ANK3: variants seen among roughly 807,000 people sequenced by gnomAD.
ANK3 encodes ankyrin 3.
A neutral mutation model predicts 370.9 loss-of-function variants in ANK3; 57 were observed. The observed-to-expected ratio is 0.15, with a 90% confidence interval of 0.12 to 0.19. ANK3 has a LOEUF of 0.19. ANK3 is among the 10% of genes least tolerant of loss of function. ANK3 has a pLI of 1.00. For missense variants in ANK3, 4,439 were observed against 5,302.1 expected (o/e 0.84, Z 5.06); for synonymous variants, 1,929 against 1,946.3 (o/e 0.99, Z 0.23).
At position 60,068,962 on chromosome 10, in the gene ANK3, G is replaced by A; in HGVS notation, c.11919C>T (p.Thr3973=). Residue 3973 remains threonine (T), a synonymous_variant, in exon 37 of 44, where the codon ACC becomes ACT. Transcript: ENST00000280772. Reference sequence around the variant, plus strand: ...CTGTGCAGCTGGTGGTGGTGGTAGTGGTGGTAGTGGTGGTGGTGGTGGCAG... The same window carrying A: ...CTGTGCAGCTGGTGGTGGTGGTAGTAGTGGTAGTGGTGGTGGTGGTGGCAG... ...TTTATTTTTT[T]TTTTTSCTVK... 1 of 1,613,764 alleles carries A rather than the reference G, an allele frequency of 6.2e-7. No individual in the cohort carries two copies. Among genetic ancestry groups the A allele is most frequent in the Non-Finnish European group, 8.5e-7 (1 of 1,179,916 alleles).
At chr10:60,687,057 C>T (rs1351847128) in intron 1 of ANK3, among the ~76,000 whole-genome samples, 1 of 152,104 alleles carries the variant, frequency 6.6e-6, no homozygotes, top group African/African-American at 2.4e-5. Flanking sequence ...CAGCTTATAG[C>T]CTAGGAGCTA....
At chr10:60,152,087 G>C (rs1453550415) in intron 23 of ANK3, among the ~76,000 whole-genome samples, 2 of 152,126 alleles carry the variant, frequency 1.3e-5, no homozygotes, top group Admixed American at 1.3e-4. Flanking sequence ...TAAATGTGTG[G>C]AATTAAGCCA....
intron 13 of ANK3, among the ~76,000 whole-genome samples, chr10:60,199,248 C>G (rs755658522): frequency 6.6e-6 from 1 of 152,128 alleles, no homozygotes; most frequent in African/African-American, 2.4e-5. Context: ...TAGAAATTCT[C>G]TACTGAATTG....
At chr10:60,498,943 A>G (rs2075727427) in intron 2 of ANK3, among the ~76,000 whole-genome samples, 1 of 152,246 alleles carries the variant, frequency 6.6e-6, no homozygotes, top group Admixed American at 6.5e-5. Flanking sequence ...TTCAATCTAT[A>G]CTTGTCACAT....
chr10:60,650,747 A>C (rs1561852), intron 1 of ANK3, among the ~76,000 whole-genome samples: 41,047 of 152,088 alleles, frequency 0.27, 6,703 homozygotes, highest in South Asian at 0.49. Flanking sequence ...TTCTCCACTC[A>C]GCTTCAAAGT....
At chr10:60,158,393 C>T (rs1013643516) in intron 23 of ANK3, among the ~76,000 whole-genome samples, 1 of 151,970 alleles carries the variant, frequency 6.6e-6, no homozygotes, top group Admixed American at 6.6e-5. Context: ...AAAAGAGAAA[C>T]CTATCAAAAA....
In ANK3 at chr10:60,179,411, G is replaced by A. The variant is rs369561981; in HGVS notation, c.2184+1918C>T. Among the ~76,000 whole-genome samples, 142 of 152,300 alleles carry A rather than the reference G, an allele frequency of 9.3e-4. 1 individual carries two copies. Among genetic ancestry groups the A allele is most frequent in the African/African-American group, 3.2e-3 (135 of 41,560 alleles). On this transcript the variant is annotated intron_variant, in intron 18 of 43. Coordinates refer to ENST00000280772, the MANE Select transcript of ANK3 (RefSeq NM_020987.5). ...TCATACGGGGTACAAAAATGACTAC[G>A]TGGCCGGGAACGGTGGCTCATGCCT...
chr10:60,724,841 G>A (rs897104519), intron 1 of ANK3, among the ~76,000 whole-genome samples: 2 of 152,152 alleles, frequency 1.3e-5, no homozygotes, highest in African/African-American at 4.8e-5. Context: ...AAGCCTTGTG[G>A]TAACAGAGTT....
intron 2 of ANK3, among the ~76,000 whole-genome samples, chr10:60,477,274 A>G (rs922043622): frequency 1.3e-5 from 2 of 152,086 alleles, no homozygotes. Context: ...GGGAATGGCC[A>G]ATTTCTGTCT....
At chr10:60,095,712 T>C (rs866304024) in intron 28 of ANK3, among the ~76,000 whole-genome samples, 1 of 152,218 alleles carries the variant, frequency 6.6e-6, no homozygotes, top group African/African-American at 2.4e-5. Context: ...AAAATGCATG[T>C]GAAAAAGTGG....
At chr10:60,532,219 C>T (rs530454121) in intron 2 of ANK3, among the ~76,000 whole-genome samples, 1 of 152,268 alleles carries the variant, frequency 6.6e-6, no homozygotes, top group African/African-American at 2.4e-5. Flanking sequence ...TGCATACTTA[C>T]TTCTCACAAT....
chr10:60,189,188 G>A (rs1210724836), intron 16 of ANK3, among the ~76,000 whole-genome samples: 1 of 152,172 alleles, frequency 6.6e-6, no homozygotes, highest in Admixed American at 6.5e-5. Context: ...CTAAAAAAAT[G>A]TTTTAATCAA....
intron 1 of ANK3, among the ~76,000 whole-genome samples, chr10:60,721,639 A>T (rs1305333197): frequency 6.6e-6 from 1 of 152,198 alleles, no homozygotes; most frequent in Admixed American, 6.5e-5. Flanking sequence ...ATTCCATGAG[A>T]CAGGGAGAAA....
chr10:60,541,154 T>C (rs1292999797), intron 2 of ANK3, among the ~76,000 whole-genome samples: 1 of 151,928 alleles, frequency 6.6e-6, no homozygotes, highest in Admixed American at 6.6e-5. Flanking sequence ...AATATTATCT[T>C]AGGTCAAAAA....
At chr10:60,085,862 G>A (rs903808941) in intron 30 of ANK3, among the ~76,000 whole-genome samples, 13 of 152,138 alleles carry the variant, frequency 8.5e-5, no homozygotes, top group African/African-American at 2.4e-4. Context: ...GTGATCCACC[G>A]CCTTGGCTTC....
chr10:60,224,529 T>A (rs1164391921), intron 8 of ANK3, among the ~76,000 whole-genome samples: 1 of 152,148 alleles, frequency 6.6e-6, no homozygotes, highest in Non-Finnish European at 1.5e-5. Flanking sequence ...GAAACCAGAA[T>A]GTGTCTTTAG....
chr10:60,693,453 A>G (rs555758755), intron 1 of ANK3, among the ~76,000 whole-genome samples: 66 of 152,376 alleles, frequency 4.3e-4, no homozygotes, highest in African/African-American at 1.6e-3. Context: ...GGCAGGGAAC[A>G]GACAAACAAA....
At chr10:60,096,793 G>A (rs374552404) in intron 28 of ANK3, among the ~76,000 whole-genome samples, 1 of 152,094 alleles carries the variant, frequency 6.6e-6, no homozygotes, top group East Asian at 1.9e-4. Context: ...ACTTTTATAT[G>A]GTTTTGTTTT....
At chr10:60,696,122 A>G (rs1212089701) in intron 1 of ANK3, among the ~76,000 whole-genome samples, 1 of 150,264 alleles carries the variant, frequency 6.7e-6, no homozygotes, top group African/African-American at 2.5e-5. Flanking sequence ...TACTACAAAC[A>G]CCTCTATGCA....
Sources: allele counts gnomAD v4.1 joint callset (sites outside exome capture counted in the v4.1 genomes callset), GRCh38; gene constraint gnomAD v4.1.1; transcripts MANE v1.5; gene names NCBI Gene and HGNC (gene_info 2026-07-23, HGNC 2026-07-21).